The following ABI3BP variants were observed in gnomAD, a reference collection of about 807,000 sequenced individuals.
ABI3BP encodes ABI family member 3 binding protein, also known as target of Nesh-SH3.
ABI3BP carries 216 observed loss-of-function variants against 268.6 expected under a neutral mutation model. The observed-to-expected ratio is 0.80, with a 90% confidence interval of 0.72 to 0.90. The LOEUF (loss-of-function observed/expected upper bound fraction) is 0.90, where lower values mean the gene tolerates loss of function less well. Among genes scored for constraint, ABI3BP ranks in the 40% least tolerant of loss-of-function variants. The pLI is 0.00. For synonymous variants in ABI3BP, 730 were observed against 730.0 expected, an observed-to-expected ratio of 1.00 and a Z score of 0.00; for missense variants, 2,090 against 2,182.4, an observed-to-expected ratio of 0.96 and a Z score of 0.84.
chr3:100,864,419 A>G, intron 11 of ABI3BP: 1 of 343,374 alleles, frequency 2.9e-6, no homozygotes. Context: ...TAAAAGCATG[A>G]CACTTTTGGG....
At chr3:100,949,678 A>C (rs2074085084) in intron 1 of ABI3BP, among the ~76,000 whole-genome samples, 1 of 152,182 alleles carries the variant, frequency 6.6e-6, no homozygotes, top group Non-Finnish European at 1.5e-5. Flanking sequence ...GTTACATTGA[A>C]TCCATATGAC....
At chr3:100,820,973 A>G in intron 39 of ABI3BP, 81 bp downstream of exon 39, 1 of 1,170,862 alleles carries the variant, frequency 8.5e-7, no homozygotes. Flanking sequence ...TGAAAAGCAT[A>G]AGAATCTGCG....
chr3:100,822,763 G>A (rs2098267783), intron 37 of ABI3BP, 91 bp from the exon 38 acceptor site: 8 of 1,118,256 alleles, frequency 7.2e-6, no homozygotes, highest in South Asian at 1.4e-5. Flanking sequence ...TCTACTGCTT[G>A]ATAGATATTT....
intron 57 of ABI3BP, among the ~76,000 whole-genome samples, chr3:100,785,384 A>G (rs957002938): frequency 1.3e-5 from 2 of 152,196 alleles, no homozygotes; most frequent in Admixed American, 6.5e-5. Flanking sequence ...ACTATGCAGA[A>G]TCAAAGGAAG....
At chr3:100,828,693 T>G (rs779188938) in intron 33 of ABI3BP, among the ~76,000 whole-genome samples, 2 of 152,088 alleles carry the variant, frequency 1.3e-5, no homozygotes, top group Non-Finnish European at 2.9e-5. Context: ...ATGTGAAGTG[T>G]CCCAGGAGTT....
chr3:100,876,178 G>A (rs1176989420), intron 7 of ABI3BP, among the ~76,000 whole-genome samples: 3 of 152,188 alleles, frequency 2.0e-5, no homozygotes, highest in African/African-American at 4.8e-5. Flanking sequence ...TTTCCTTAAA[G>A]TGACCACTAA....
chr3:100,770,831 T>G lies in ABI3BP; in HGVS notation c.4653A>C (p.Pro1551=), dbSNP rs781296038. 1 of 1,600,218 alleles carries G rather than the reference T, an allele frequency of 6.2e-7. No individual in the cohort carries two copies. The highest frequency in any genetic ancestry group is 1.1e-5 in the South Asian group (1 of 87,556). The change falls in exon 62 of 68, where the codon CCA becomes CCC. Residue 1551 remains proline (P), a synonymous_variant. Transcript: ENST00000471714. ...EGNATSPPQN[P]PTNLTVVTVE... ...CGGTGACCACAGTGAGGTTGGTGGG[T>G]GGGTTCTGTGGTGGGCTGGTGGCAT...
chr3:100,799,191 A>G (rs979501528), intron 51 of ABI3BP, among the ~76,000 whole-genome samples: 1 of 152,036 alleles, frequency 6.6e-6, no homozygotes, highest in African/African-American at 2.4e-5. Context: ...TTCCTTTAAT[A>G]AAAAAACTAT....
intron 36 of ABI3BP, 60 bp downstream of exon 36, chr3:100,824,798 C>T (rs2098336915): frequency 6.4e-6 from 9 of 1,399,624 alleles, no homozygotes; most frequent in Non-Finnish European, 7.8e-6. Context: ...GACACTGCTT[C>T]AGTCCCCACT....
intron 2 of ABI3BP, among the ~76,000 whole-genome samples, chr3:100,923,180 C>T (rs2060820215): frequency 6.6e-6 from 1 of 151,960 alleles, no homozygotes; most frequent in Admixed American, 6.6e-5. Flanking sequence ...AATCTTTATC[C>T]CTAGGTTCTT....
At chr3:100,756,151 T>A (rs1248782938) in intron 63 of ABI3BP, among the ~76,000 whole-genome samples, 4 of 152,258 alleles carry the variant, frequency 2.6e-5, no homozygotes, top group African/African-American at 9.6e-5. Context: ...TAAACCCTGA[T>A]GAGATAAATC....
At chr3:100,807,189 AT>A (rs1232130698) in intron 50 of ABI3BP, among the ~76,000 whole-genome samples, 107 of 152,028 alleles carry the variant, frequency 7.0e-4, no homozygotes, top group African/African-American at 2.4e-3. Context: ...TTAACGTTAG[AT>A]TTTAGTTTCC....
chr3:100,901,790 C>T (rs2050535609), intron 3 of ABI3BP, among the ~76,000 whole-genome samples: 1 of 151,024 alleles, frequency 6.6e-6, no homozygotes, highest in Non-Finnish European at 1.5e-5. Context: ...AAAAGAAAAG[C>T]AAAATTTTGT....
chr3:100,811,153 G>A, intron 48 of ABI3BP, 77 bp downstream of exon 48: 2 of 1,226,888 alleles, frequency 1.6e-6, no homozygotes, highest in Non-Finnish European at 2.2e-6. Flanking sequence ...TTCACAATGA[G>A]AGAGACCCAG....
chr3:100,986,984 T>G, intron 1 of ABI3BP, among the ~76,000 whole-genome samples: 1 of 152,212 alleles, frequency 6.6e-6, no homozygotes, highest in Admixed American at 6.5e-5. Context: ...GGTGGTCATT[T>G]TAACAAATGT....
chr3:100,843,581 A>C (rs985284423), intron 20 of ABI3BP: 2 of 982,180 alleles, frequency 2.0e-6, no homozygotes, highest in Admixed American at 1.2e-4. Flanking sequence ...AGGGGAGAAG[A>C]AAGAGTGTCT....
intron 6 of ABI3BP, among the ~76,000 whole-genome samples, chr3:100,880,283 G>T (rs1386086532): frequency 1.3e-5 from 2 of 152,090 alleles, no homozygotes; most frequent in Non-Finnish European, 2.9e-5. Context: ...CACCACTCTG[G>T]CAGCGATTTT....
At chr3:100,829,811 T>C in intron 32 of ABI3BP, 147 bp from the exon 33 acceptor site, 1 of 607,344 alleles carries the variant, frequency 1.6e-6, no homozygotes, top group South Asian at 2.2e-5. Context: ...GTGTCTCTTT[T>C]TATCATGTAG....
Position 100,846,394 on chromosome 3 carries a change from T to C in ABI3BP, c.1701A>G (p.Pro567=), listed in dbSNP as rs781007494. ...ISLKPKIPLS[P]EVTHTKPAPE... The stretch of plus-strand genomic sequence containing the variant: ...TACCAGGTTTGGTGTGTGTCACTTC[T>C]GGGCTGAGAGGGATTTTAGGTTTCA... The change falls in exon 20 of 68, where the codon CCA becomes CCG. Residue 567 remains proline, a synonymous_variant. Coordinates refer to ENST00000471714, the MANE Select transcript of ABI3BP (RefSeq NM_001375547.2). 1.2e-5 allele frequency: 19 copies of C among 1,603,130 alleles called. No individual in the cohort carries two copies. The East Asian group carries it at 4.3e-4, about 36-fold the overall frequency.
Sources: allele counts gnomAD v4.1 joint callset (sites outside exome capture counted in the v4.1 genomes callset), GRCh38; gene constraint gnomAD v4.1.1; transcripts MANE v1.5; gene names NCBI Gene and HGNC (gene_info 2026-07-23, HGNC 2026-07-21).